The following YME1L1 variants were observed in gnomAD, a reference collection of about 807,000 sequenced individuals.
YME1L1 encodes YME1 like 1 ATPase, also known as ATP-dependent zinc metalloprotease YME1L1.
Under a neutral mutation model 90.4 loss-of-function variants are expected in YME1L1, and 39 were observed. That is an observed-to-expected ratio of 0.43 (90% CI 0.33 to 0.56). YME1L1 has a LOEUF of 0.56. Ranked by LOEUF, YME1L1 falls within the 20% of genes least tolerant of loss-of-function variation. YME1L1 has a pLI of 0.03. For missense variants in YME1L1, 617 were observed against 868.4 expected, an observed-to-expected ratio of 0.71 and a Z score of 3.64; for synonymous variants, 284 against 287.3, an observed-to-expected ratio of 0.99 and a Z score of 0.12.
At chr10:27,129,612 A>G (rs2056956939) in intron 8 of YME1L1, among the ~76,000 whole-genome samples, 1 of 152,178 alleles carries the variant, frequency 6.6e-6, no homozygotes, top group Admixed American at 6.5e-5. Context: ...CCCAGCCACT[A>G]CAGTTCTGAG....
chr10:27,126,262 G>C (rs1046728182), intron 9 of YME1L1, among the ~76,000 whole-genome samples: 1 of 152,036 alleles, frequency 6.6e-6, no homozygotes, highest in Non-Finnish European at 1.5e-5. Flanking sequence ...GGGCAACATG[G>C]AGTAACCTCA....
At chr10:27,115,928 A>G in intron 17 of YME1L1, 132 bp downstream of exon 17, 2 of 810,310 alleles carry the variant, frequency 2.5e-6, no homozygotes, top group Non-Finnish European at 4.0e-6. Flanking sequence ...AACAATGTTC[A>G]GAATAAAGAG....
chr10:27,130,619 A>AT (rs2135868906), intron 8 of YME1L1, among the ~76,000 whole-genome samples: 1 of 152,264 alleles, frequency 6.6e-6, no homozygotes, highest in African/African-American at 2.4e-5. Flanking sequence ...CAGCACTTTG[A>AT]TCTGCGTGGA....
chr10:27,123,495 A>G, intron 10 of YME1L1, 52 bp downstream of exon 10: 1 of 1,577,312 alleles, frequency 6.3e-7, no homozygotes, highest in South Asian at 1.2e-5. Context: ...GGTAAGATAC[A>G]CACTTCCCTT....
At chr10:27,129,099 A>C (rs964082755) in intron 8 of YME1L1, 1 of 150,300 alleles carries the variant, frequency 6.7e-6, no homozygotes, top group East Asian at 2.1e-4. Flanking sequence ...AAAAAAAAAA[A>C]AAAAAAAAAA....
At chr10:27,147,072 T>A (rs1220489301) in intron 2 of YME1L1, 3 of 310,376 alleles carry the variant, frequency 9.7e-6, no homozygotes, top group African/African-American at 6.4e-5. Context: ...CTGGAATATC[T>A]CAAAAAATTC....
At chr10:27,134,177 T>G in intron 6 of YME1L1, 55 bp from the exon 7 acceptor site, 1 of 1,283,640 alleles carries the variant, frequency 7.8e-7, no homozygotes, top group East Asian at 2.3e-5. Flanking sequence ...ATATGACAGC[T>G]CAATGAAATG....
intron 8 of YME1L1, among the ~76,000 whole-genome samples, chr10:27,130,717 GT>G: frequency 6.6e-6 from 1 of 152,192 alleles, no homozygotes; most frequent in South Asian, 2.1e-4. Flanking sequence ...GCTGGGCGTG[GT>G]GGCTCGTGCC....
At chr10:27,121,354 G>A (rs1047069605) in intron 12 of YME1L1, 32 bp downstream of exon 12, 2 of 1,494,194 alleles carry the variant, frequency 1.3e-6, no homozygotes, top group Non-Finnish European at 1.9e-6. Flanking sequence ...GCATGTAACA[G>A]TACTTCACAA....
chr10:27,147,379 T>G, intron 2 of YME1L1: 1 of 1,551,068 alleles, frequency 6.4e-7, no homozygotes, highest in Admixed American at 1.7e-5. Flanking sequence ...CTAGACTGGA[T>G]GAGAGAGAAG....
chr10:27,142,387 C>A lies in YME1L1; in HGVS notation c.430G>T (p.Val144Phe). ...ACAATTTATGGTTGTTGCTTCATACCTGGCCAGTACTGAAGATCTGAACAA... is the reference window on the plus strand; with the variant it reads ...ACAATTTATGGTTGTTGCTTCATACATGGCCAGTACTGAAGATCTGAACAA... ...SICSDLQYWP[V>F]FIQSRGFKTL... Residue 144 changes from valine (V) to phenylalanine (F), a missense_variant and splice_region_variant, in exon 4 of 19, where the codon GTT (valine) becomes TTT (phenylalanine). By Grantham distance (50) the Val-to-Phe change is conservative (BLOSUM62 -1). This residue lies in a region of YME1L1 where 311 missense variants were observed against 335.8 expected (regional missense o/e 0.93). Coordinates refer to ENST00000376016, the MANE Select transcript of YME1L1 (RefSeq NM_014263.4). 6.9e-7 allele frequency: 1 copy of A among 1,442,736 alleles called. No homozygotes were observed. Among genetic ancestry groups the A allele is most frequent in the Non-Finnish European group, 9.2e-7 (1 of 1,090,398 alleles). 89.4% of individuals were successfully genotyped at this position (1,442,736 alleles called of 1,614,324 possible).
chr10:27,114,511 A>T lies in YME1L1; in HGVS notation c.2007+10T>A, dbSNP rs1447957365. 1.2e-6 allele frequency: 2 copies of T among 1,600,584 alleles called. No homozygotes were observed. The highest frequency in any genetic ancestry group is 1.8e-5 in the Admixed American group (1 of 56,736). On this transcript the variant is annotated intron_variant, in intron 18 of 18. Transcript: ENST00000376016. The stretch of plus-strand genomic sequence containing the variant: ...CTAAGAAAATAAATAAGCACAAAAA[A>T]TATTATTACCCTTAGAAGGATTCTT...
intron 12 of YME1L1, among the ~76,000 whole-genome samples, chr10:27,121,127 T>C (rs1004391689): frequency 5.3e-5 from 8 of 152,208 alleles, no homozygotes; most frequent in Non-Finnish European, 1.2e-4. Flanking sequence ...CATTCAGAAT[T>C]GTACAACCAT....
intron 1 of YME1L1, among the ~76,000 whole-genome samples, chr10:27,150,913 C>G (rs1370162116): frequency 1.4e-5 from 2 of 146,380 alleles, no homozygotes; most frequent in Admixed American, 6.9e-5. Flanking sequence ...TTTATAGACT[C>G]TCTCGCCTTT....
intron 1 of YME1L1, among the ~76,000 whole-genome samples, chr10:27,150,360 T>C (rs1195248872): frequency 6.6e-6 from 1 of 152,202 alleles, no homozygotes; most frequent in Non-Finnish European, 1.5e-5. Flanking sequence ...CTTGTTACAG[T>C]TCTGTCAGAG....
intron 3 of YME1L1, among the ~76,000 whole-genome samples, chr10:27,144,553 CTTA>C (rs1425233132): frequency 1.3e-5 from 2 of 152,044 alleles, no homozygotes; most frequent in Admixed American, 6.5e-5. Context: ...TATGAACCCA[CTTA>C]TTATACTACC....
At chr10:27,123,119 A>C in intron 10 of YME1L1, 146 bp from the exon 11 acceptor site, 2 of 997,318 alleles carry the variant, frequency 2.0e-6, no homozygotes, top group Non-Finnish European at 2.9e-6. Flanking sequence ...TTACTGACTT[A>C]AAAATAGTAT....
intron 4 of YME1L1, among the ~76,000 whole-genome samples, chr10:27,138,781 G>A (rs977038498): frequency 3.3e-5 from 5 of 150,744 alleles, no homozygotes; most frequent in Admixed American, 6.6e-5. Flanking sequence ...GGCTCATTTC[G>A]TTTTCTTTTA....
intron 18 of YME1L1, among the ~76,000 whole-genome samples, chr10:27,113,277 G>C (rs2056778322): frequency 7.8e-6 from 1 of 127,834 alleles, no homozygotes; most frequent in Non-Finnish European, 1.6e-5. Flanking sequence ...CTGCCTTCAT[G>C]AATGGGTAGC....
Sources: allele counts gnomAD v4.1 joint callset (sites outside exome capture counted in the v4.1 genomes callset), GRCh38; gene constraint gnomAD v4.1.1; regional missense constraint gnomAD v4.1.1; transcripts MANE v1.5; gene names NCBI Gene and HGNC (gene_info 2026-07-23, HGNC 2026-07-21).